The following KRIT1 variants were observed in gnomAD, a reference collection of about 807,000 sequenced individuals.
KRIT1 encodes KRIT1 ankyrin repeat containing, also known as krev interaction trapped protein 1.
KRIT1 carries 45 observed loss-of-function variants against 95.8 expected under a neutral mutation model. The ratio of observed to expected loss-of-function variants is 0.47; its 90% CI spans 0.37 to 0.60. The LOEUF is 0.60. Among genes scored for constraint, KRIT1 ranks in the 20% least tolerant of loss-of-function variants. The pLI is 0.00. For synonymous variants in KRIT1, 282 were observed against 278.8 expected (o/e 1.01, Z -0.11); for missense variants, 788 against 877.5 (o/e 0.90, Z 1.29).
Position 92,209,251 on chromosome 7 carries a change from G to A in KRIT1, c.2025+3944C>T, listed in dbSNP as rs538039488. On this transcript the variant is annotated intron_variant, in intron 17 of 18. Transcript: ENST00000394505. ...ACCCACAGCTAACATCATACTGAAAGGGGAAAAGCTGAAAGCCTTTCTTAT... is the reference window on the plus strand; with the variant it reads ...ACCCACAGCTAACATCATACTGAAAAGGGAAAAGCTGAAAGCCTTTCTTAT... 1.1e-4 allele frequency among the ~76,000 whole-genome samples: 16 copies of A among 152,114 alleles called. No individual in the cohort carries two copies. In the South Asian group the frequency reaches 3.3e-3, roughly 32 times the overall value.
intron 16 of KRIT1, among the ~76,000 whole-genome samples, 167 bp from the exon 17 acceptor site, chr7:92,213,568 T>A (rs1793335169): frequency 6.6e-6 from 1 of 151,864 alleles, no homozygotes; most frequent in Non-Finnish European, 1.5e-5. Context: ...GATGTTAATA[T>A]TAAAAAAAAA....
In KRIT1 at chr7:92,222,984, A is replaced by G; in HGVS notation, c.1255-6T>C. On this transcript the variant is annotated splice_polypyrimidine_tract_variant and splice_region_variant and intron_variant, in intron 12 of 18. Transcript: ENST00000394505. ...TATATTCGAACTTTTTCATACTACA[A>G]GAAACGATAACTTACGTAACGAACT... The G allele has an allele frequency of 1.9e-6, 3 of 1,595,418 alleles. No homozygotes were observed. Among genetic ancestry groups the G allele is most frequent in the Non-Finnish European group, 2.6e-6 (3 of 1,164,256 alleles).
rs117454792 is a variant in KRIT1 at position 92,202,711 on chromosome 7, T to G, written c.2026-1288A>C. Among the ~76,000 whole-genome samples, 72 of 152,238 alleles carry G rather than the reference T, an allele frequency of 4.7e-4. No individual in the cohort carries two copies. In the East Asian group the frequency reaches 0.013, roughly 28 times the overall value. On this transcript the variant is annotated intron_variant, in intron 17 of 18. Coordinates refer to ENST00000394505, the MANE Select transcript of KRIT1 (RefSeq NM_194454.3). ...TACTGCACTCCTGCCTGGGCAACAG[T>G]GAGACTCCGTCTAAATAAATAAATA...
intron 17 of KRIT1, among the ~76,000 whole-genome samples, chr7:92,203,627 T>C (rs1790715957): frequency 1.3e-5 from 2 of 152,334 alleles, no homozygotes; most frequent in South Asian, 2.1e-4. Flanking sequence ...TGAAATGTTA[T>C]ATTTAAGTGT....
Position 92,214,738 on chromosome 7 carries a change from C to A in KRIT1, c.1603G>T (p.Ala535Ser). ...AAGCCCTTCAATAAATTATATCTGG[C>A]TTCATCAAAGAGAATAAGAATAGCT... is the stretch of plus-strand genomic sequence containing the variant. ...PLAILILFDEARYNLLKGFYT... is the reference protein window; with the variant it reads ...PLAILILFDESRYNLLKGFYT... The change falls in exon 15 of 19, where the codon GCC (alanine) becomes TCC (serine). Residue 535 changes from alanine (A) to serine (S), a missense_variant. Around this residue, in one of 3 missense-constraint regions of KRIT1, gnomAD observed 493 missense variants for 582.3 expected, o/e 0.85. Coordinates refer to ENST00000394505, the MANE Select transcript of KRIT1 (RefSeq NM_194454.3). 1 of 1,606,764 alleles carries A rather than the reference C, an allele frequency of 6.2e-7. No individual in the cohort carries two copies. Among genetic ancestry groups the A allele is most frequent in the Non-Finnish European group, 8.5e-7 (1 of 1,173,526 alleles).
chr7:92,222,912 T>C lies in KRIT1; in HGVS notation c.1321A>G (p.Asn441Asp), dbSNP rs932502689. 31 of 1,605,470 alleles carry C rather than the reference T, an allele frequency of 1.9e-5. No homozygotes were observed. The highest frequency in any genetic ancestry group is 2.6e-5 in the Non-Finnish European group (31 of 1,172,318). Residue 441 changes from asparagine (N) to aspartate (D), a missense_variant, in exon 13 of 19, where the codon AAT becomes GAT. By Grantham distance (23) the Asn-to-Asp change is conservative. Transcript: ENST00000394505. ...TCCATTATCTGCTGCACTGTGGTAT[T>C]ATTTCCATGCTTCAATTCAACAGAA... ...YRSVELKHGN[N>D]TTVQQIMEGM...
chr7:92,245,365 G>C (rs1800699874), intron 1 of KRIT1, 194 bp from the exon 2 acceptor site: 1 of 151,888 alleles, frequency 6.6e-6, no homozygotes. Flanking sequence ...TGCTCAAAGA[G>C]TTTCCACCCA....
chr7:92,213,956 A>T lies in KRIT1; in HGVS notation c.1754T>A (p.Val585Glu). The T allele has an allele frequency of 6.2e-7, 1 of 1,608,798 alleles. No homozygotes were observed. Among genetic ancestry groups the T allele is most frequent in the African/African-American group, 1.3e-5 (1 of 74,950 alleles). The change falls in exon 16 of 19, where the codon GTA becomes GAA. Residue 585 changes from valine (V) to glutamate (E), a missense_variant. Val to Glu is a moderately radical substitution (Grantham distance 121). Transcript: ENST00000394505. Reference sequence around the variant, plus strand: ...CTTACTTTTCAGTTTGGTAACAGGTACGATGGATTTTAGATTTTCTTCACT... The same window carrying T: ...CTTACTTTTCAGTTTGGTAACAGGTTCGATGGATTTTAGATTTTCTTCACT... ...FLNEENLKSI[V>E]PVTKLKSKAP...
chr7:92,212,833 T>C (rs1793155980), intron 17 of KRIT1, among the ~76,000 whole-genome samples: 1 of 152,246 alleles, frequency 6.6e-6, no homozygotes, highest in Admixed American at 6.5e-5. Context: ...ATTTTATGCA[T>C]ATACAAGCAA....
intron 16 of KRIT1, 41 bp downstream of exon 16, chr7:92,213,851 T>G: frequency 8.7e-7 from 1 of 1,143,744 alleles, no homozygotes; most frequent in Non-Finnish European, 1.3e-6. Flanking sequence ...AAGTTTCAAC[T>G]AGCCTATAAA....
At chr7:92,240,180 G>C (rs1799318476) in intron 5 of KRIT1, among the ~76,000 whole-genome samples, 2 of 152,070 alleles carry the variant, frequency 1.3e-5, no homozygotes, top group African/African-American at 2.4e-5. Context: ...TGTATCTCTA[G>C]AAAACAAATA....
At chr7:92,241,249 TA>T in intron 4 of KRIT1, 97 bp from the exon 5 acceptor site, 1 of 896,970 alleles carries the variant, frequency 1.1e-6, no homozygotes, top group African/African-American at 1.7e-5. Flanking sequence ...TCTAGCTGCA[TA>T]TTAGAATAAT....
At chr7:92,232,007 C>T (rs1039347904) in intron 10 of KRIT1, among the ~76,000 whole-genome samples, 19 of 152,180 alleles carry the variant, frequency 1.2e-4, no homozygotes, top group South Asian at 4.1e-4. Context: ...TCTCAGTACA[C>T]TGCAACCTCC....
intron 12 of KRIT1, among the ~76,000 whole-genome samples, chr7:92,224,801 A>T (rs1315260139): frequency 6.6e-6 from 1 of 152,224 alleles, no homozygotes; most frequent in Non-Finnish European, 1.5e-5. Flanking sequence ...GCTTTCATTT[A>T]AAAATATAAA....
intron 7 of KRIT1, 91 bp from the exon 8 acceptor site, chr7:92,235,737 T>C (rs1798311711): frequency 1.7e-6 from 2 of 1,156,492 alleles, no homozygotes; most frequent in African/African-American, 3.1e-5. Flanking sequence ...ATGACACTTG[T>C]GAATATTACC....
chr7:92,203,862 G>T (rs541032370), intron 17 of KRIT1, among the ~76,000 whole-genome samples: 82 of 152,154 alleles, frequency 5.4e-4, no homozygotes, highest in Non-Finnish European at 1.1e-3. Context: ...TTCCTTTAAT[G>T]AACTTAGTAC....
chr7:92,241,831 C>A (rs1389097555), intron 4 of KRIT1, among the ~76,000 whole-genome samples: 1 of 151,956 alleles, frequency 6.6e-6, no homozygotes, highest in Admixed American at 6.6e-5. Context: ...AAACAAGTAA[C>A]CTTTAATATC....
At position 92,245,030 on chromosome 7, in the gene KRIT1, T is replaced by C. The variant is rs760494603; in HGVS notation, c.-279A>G. The C allele has an allele frequency of 2.6e-5, 4 of 151,916 alleles. No homozygotes were observed. The highest frequency in any genetic ancestry group is 4.4e-5 in the Non-Finnish European group (3 of 67,998). 9.4% of individuals were successfully genotyped at this position (151,916 alleles called of 1,614,324 possible). On this transcript the variant is annotated 5_prime_UTR_variant, in exon 2 of 19. Coordinates refer to ENST00000394505, the MANE Select transcript of KRIT1 (RefSeq NM_194454.3). Reference sequence around the variant, plus strand: ...ATCCTCTTAGTATGCTAGACAGCGTTTGCAAACAGAAACTGTAAAGGCACA... The same window carrying C: ...ATCCTCTTAGTATGCTAGACAGCGTCTGCAAACAGAAACTGTAAAGGCACA...
At position 92,201,302 on chromosome 7, in the gene KRIT1, C is replaced by T. The variant is rs1437871346; in HGVS notation, c.2142+5G>A. ...TTTATGAAGTCCAAAATAAATGATA[C>T]TTACCTGTTTTGTATGTACTATAAA... On this transcript the variant is annotated splice_donor_5th_base_variant and intron_variant, in intron 18 of 18. Coordinates refer to ENST00000394505, the MANE Select transcript of KRIT1 (RefSeq NM_194454.3). The T allele has an allele frequency of 6.4e-6, 8 of 1,247,368 alleles. No homozygotes were observed. The highest frequency in any genetic ancestry group is 9.5e-6 in the Non-Finnish European group (8 of 846,046). 77.3% of individuals were successfully genotyped at this position (1,247,368 alleles called of 1,614,324 possible).
Sources: allele counts gnomAD v4.1 joint callset (sites outside exome capture counted in the v4.1 genomes callset), GRCh38; gene constraint gnomAD v4.1.1; regional missense constraint gnomAD v4.1.1; transcripts MANE v1.5; gene names NCBI Gene and HGNC (gene_info 2026-07-23, HGNC 2026-07-21).